ZMAT4: variants seen among roughly 807,000 people sequenced by gnomAD.
ZMAT4 encodes zinc finger matrin-type protein 4.
Under a neutral mutation model 28.7 loss-of-function variants are expected in ZMAT4, and 17 were observed. That is an observed-to-expected ratio of 0.59 (90% CI 0.41 to 0.89). The LOEUF is 0.89. Among genes scored for constraint, ZMAT4 ranks in the 40% least tolerant of loss-of-function variants. ZMAT4 has a pLI of 0.00. For missense variants in ZMAT4, 240 were observed against 283.8 expected (o/e 0.85, Z 1.11); for synonymous variants, 117 against 109.2 (o/e 1.07, Z -0.44).
At chr8:40,601,390 A>G (rs545466155) in intron 5 of ZMAT4, among the ~76,000 whole-genome samples, 9 of 141,526 alleles carry the variant, frequency 6.4e-5, no homozygotes, top group Non-Finnish European at 1.2e-4. Flanking sequence ...AGAAGGAAGG[A>G]AGGAAGGAGG....
chr8:40,795,175 C>T (rs1814536157), intron 2 of ZMAT4, among the ~76,000 whole-genome samples: 1 of 152,138 alleles, frequency 6.6e-6, no homozygotes, highest in Non-Finnish European at 1.5e-5. Flanking sequence ...CCTTGAAAGC[C>T]CTAACCTTGA....
intron 5 of ZMAT4, among the ~76,000 whole-genome samples, chr8:40,607,689 G>A (rs369335989): frequency 3.9e-5 from 6 of 152,098 alleles, no homozygotes; most frequent in African/African-American, 1.2e-4. Context: ...AGTTCAAGGG[G>A]TGCTATTCAG....
At position 40,674,907 on chromosome 8, in the gene ZMAT4, G is replaced by A. The variant is rs778548004; in HGVS notation, c.374C>T (p.Pro125Leu). Residue 125 changes from proline to leucine, a missense_variant, in exon 5 of 7, where the codon CCC becomes CTC. Coordinates refer to ENST00000297737, the MANE Select transcript of ZMAT4 (RefSeq NM_024645.3). Reference protein sequence around the residue: ...TTATPLSPLKPPRMDTAPVVA... With the variant: ...TTATPLSPLKLPRMDTAPVVA... ...CACCGGAGCAGTGTCCATCCGTGGG[G>A]GCTTAAGTGGGCTCAGGGGTGTTGC... The A allele has an allele frequency of 3.1e-6, 5 of 1,613,040 alleles. No individual in the cohort carries two copies. The East Asian group carries it at 6.7e-5, about 22-fold the overall frequency.
chr8:40,868,910 G>A (rs1244347588), intron 1 of ZMAT4, among the ~76,000 whole-genome samples: 1 of 152,196 alleles, frequency 6.6e-6, no homozygotes, highest in Admixed American at 6.5e-5. Context: ...ACTGCATGTG[G>A]TGTCCCTATT....
intron 5 of ZMAT4, among the ~76,000 whole-genome samples, chr8:40,636,839 C>T (rs1310708926): frequency 2.0e-5 from 3 of 152,202 alleles, no homozygotes; most frequent in Non-Finnish European, 4.4e-5. Context: ...CCACCAAATT[C>T]ATGAGACACA....
intron 1 of ZMAT4, among the ~76,000 whole-genome samples, chr8:40,847,898 A>G (rs1816966064): frequency 6.6e-6 from 1 of 152,160 alleles, no homozygotes; most frequent in South Asian, 2.1e-4. Flanking sequence ...GCCTCCAGAG[A>G]GTGCTAACCT....
At chr8:40,724,254 A>C (rs1032955784) in intron 3 of ZMAT4, among the ~76,000 whole-genome samples, 7 of 152,102 alleles carry the variant, frequency 4.6e-5, no homozygotes, top group Non-Finnish European at 1.0e-4. Context: ...CCAAAATTGG[A>C]TGGGGAAAAA....
chr8:40,772,630 A>C (rs1813428751), intron 2 of ZMAT4, among the ~76,000 whole-genome samples: 1 of 152,226 alleles, frequency 6.6e-6, no homozygotes, highest in African/African-American at 2.4e-5. Context: ...TTCATCCCCG[A>C]ATCACAGTTG....
chr8:40,555,850 T>C (rs184451987), intron 6 of ZMAT4, among the ~76,000 whole-genome samples: 17 of 152,284 alleles, frequency 1.1e-4, no homozygotes, highest in Admixed American at 2.0e-4. Context: ...GATTCTCCCA[T>C]TCTATTTAAC....
chr8:40,671,855 A>T (rs1808683968), intron 5 of ZMAT4, among the ~76,000 whole-genome samples: 1 of 152,328 alleles, frequency 6.6e-6, no homozygotes, highest in South Asian at 2.1e-4. Context: ...TTCTTATAAA[A>T]AATATTAAAT....
At chr8:40,538,361 A>G (rs960015925) in intron 6 of ZMAT4, among the ~76,000 whole-genome samples, 1 of 152,084 alleles carries the variant, frequency 6.6e-6, no homozygotes, top group Non-Finnish European at 1.5e-5. Context: ...TAGTTGTCCC[A>G]CCTTTCTGGA....
At chr8:40,570,504 G>A (rs1804060347) in intron 6 of ZMAT4, among the ~76,000 whole-genome samples, 1 of 152,048 alleles carries the variant, frequency 6.6e-6, no homozygotes, top group Non-Finnish European at 1.5e-5. Flanking sequence ...TTTGAGACCA[G>A]CCCGGGCCAC....
intron 1 of ZMAT4, among the ~76,000 whole-genome samples, chr8:40,845,281 T>C (rs138038923): frequency 5.3e-5 from 8 of 152,212 alleles, no homozygotes; most frequent in Middle Eastern, 3.4e-3. Context: ...AGAAAAAAAA[T>C]TTAGGCATCT....
intron 1 of ZMAT4, among the ~76,000 whole-genome samples, chr8:40,862,519 A>G (rs1251762163): frequency 6.8e-6 from 1 of 146,214 alleles, no homozygotes; most frequent in Non-Finnish European, 1.5e-5. Context: ...ATGTATACAT[A>G]TGTAACTAAC....
intron 3 of ZMAT4, among the ~76,000 whole-genome samples, chr8:40,743,153 G>C (rs1416850770): frequency 6.6e-6 from 1 of 152,078 alleles, no homozygotes; most frequent in African/African-American, 2.4e-5. Context: ...AATCAGAAAA[G>C]AAAATAAATA....
chr8:40,733,589 C>A lies in ZMAT4; in HGVS notation c.192+34052G>T, dbSNP rs571296310. The stretch of plus-strand genomic sequence containing the variant: ...AGTCATAGCCTATTACAAGTTGTGT[C>A]AAGACAATTTCAGGGACAGGCCAAC... On this transcript the variant is annotated intron_variant, in intron 3 of 6. Transcript: ENST00000297737. Among the ~76,000 whole-genome samples, 14 of 151,620 alleles carry A rather than the reference C, an allele frequency of 9.2e-5. No homozygotes were observed. In the South Asian group the frequency reaches 2.9e-3, roughly 32 times the overall value.
chr8:40,741,246 A>G (rs1811989945), intron 3 of ZMAT4, among the ~76,000 whole-genome samples: 3 of 152,278 alleles, frequency 2.0e-5, no homozygotes, highest in African/African-American at 7.2e-5. Flanking sequence ...GGAGTCCAAG[A>G]CTAGCCCTGC....
chr8:40,591,688 T>C (rs1452112796), intron 5 of ZMAT4, among the ~76,000 whole-genome samples: 1 of 152,330 alleles, frequency 6.6e-6, no homozygotes, highest in East Asian at 1.9e-4. Context: ...AAAGGTCTTA[T>C]TCTGTATCAT....
At chr8:40,699,949 C>T (rs1810061120) in intron 3 of ZMAT4, among the ~76,000 whole-genome samples, 1 of 152,194 alleles carries the variant, frequency 6.6e-6, no homozygotes, top group African/African-American at 2.4e-5. Flanking sequence ...TAAAGAAAGT[C>T]TAGAGGCCCA....
Sources: gnomAD v4.1 joint callset for allele counts (sites outside exome capture counted in the v4.1 genomes callset) on GRCh38, gnomAD v4.1.1 for gene constraint, MANE v1.5 for transcripts, NCBI Gene and HGNC (gene_info 2026-07-23, HGNC 2026-07-21) for gene names.